The following RSBN1 variants were observed in gnomAD, a reference collection of about 807,000 sequenced individuals.
RSBN1 encodes round spermatid basic protein 1.
A neutral mutation model predicts 74.8 loss-of-function variants in RSBN1; 23 were observed. The observed-to-expected ratio is 0.31, with a 90% confidence interval of 0.22 to 0.44. The LOEUF is 0.44. Among genes scored for constraint, RSBN1 ranks in the 20% least tolerant of loss-of-function variants. The pLI is 1.00. For synonymous variants in RSBN1, 407 were observed against 379.6 expected (o/e 1.07, Z -0.84); for missense variants, 808 against 1,020.9 (o/e 0.79, Z 2.84).
At chr1:113,783,063 A>G (rs1454718895) in intron 2 of RSBN1, among the ~76,000 whole-genome samples, 4 of 152,190 alleles carry the variant, frequency 2.6e-5, no homozygotes, top group Admixed American at 1.3e-4. Context: ...TCTGGTCCTT[A>G]ATAGAAAAAG....
At chr1:113,806,636 GAA>G (rs963958254) in intron 1 of RSBN1, among the ~76,000 whole-genome samples, 1 of 141,900 alleles carries the variant, frequency 7.0e-6, no homozygotes. Flanking sequence ...ATCCATTAAA[GAA>G]AAAAAAAAAC....
intron 1 of RSBN1, 149 bp from the exon 2 acceptor site, chr1:113,798,185 A>G (rs1660511473): frequency 3.1e-6 from 2 of 653,090 alleles, no homozygotes; most frequent in Admixed American, 2.8e-5. Flanking sequence ...AATGAGACAG[A>G]GATCTTAAAT....
At chr1:113,769,272 C>T (rs1557994241) in intron 4 of RSBN1, among the ~76,000 whole-genome samples, 2 of 151,808 alleles carry the variant, frequency 1.3e-5, no homozygotes, top group Non-Finnish European at 2.9e-5. Flanking sequence ...TACAATTAAA[C>T]TTTCTCTGTT....
chr1:113,768,610 G>A (rs528727581), intron 4 of RSBN1, among the ~76,000 whole-genome samples: 1 of 152,186 alleles, frequency 6.6e-6, no homozygotes, highest in African/African-American at 2.4e-5. Context: ...TAATAAAGCT[G>A]AAAATATATC....
intron 4 of RSBN1, among the ~76,000 whole-genome samples, chr1:113,775,150 G>A (rs191988894): frequency 1.5e-3 from 226 of 150,644 alleles, no homozygotes; most frequent in African/African-American, 5.3e-3. Context: ...TCAGCCTCCC[G>A]AGTAGCTGGG....
intron 1 of RSBN1, among the ~76,000 whole-genome samples, chr1:113,800,850 CA>C (rs1002557410): frequency 6.7e-6 from 1 of 148,860 alleles, no homozygotes; most frequent in African/African-American, 2.5e-5. Flanking sequence ...AAAAAAACAA[CA>C]AAAAAAACAA....
At chr1:113,793,404 T>C (rs1008832788) in intron 2 of RSBN1, among the ~76,000 whole-genome samples, 4 of 152,220 alleles carry the variant, frequency 2.6e-5, no homozygotes, top group Non-Finnish European at 5.9e-5. Context: ...ACTGGATCCT[T>C]CATATGGATA....
chr1:113,787,907 GT>G (rs2101808492), intron 2 of RSBN1, among the ~76,000 whole-genome samples: 1 of 152,186 alleles, frequency 6.6e-6, no homozygotes, highest in South Asian at 2.1e-4. Context: ...AACGACTCAT[GT>G]TTCAATATGA....
At chr1:113,798,360 T>C (rs1200934579) in intron 1 of RSBN1, among the ~76,000 whole-genome samples, 3 of 152,296 alleles carry the variant, frequency 2.0e-5, no homozygotes, top group East Asian at 3.9e-4. Context: ...CATTATACGA[T>C]AGCTAAATAT....
At chr1:113,779,396 T>C (rs949276021) in intron 2 of RSBN1, among the ~76,000 whole-genome samples, 1 of 152,130 alleles carries the variant, frequency 6.6e-6, no homozygotes, top group African/African-American at 2.4e-5. Context: ...TGTTCTCAAA[T>C]AGCAGGGGTA....
At chr1:113,803,559 T>C (rs1269082962) in intron 1 of RSBN1, among the ~76,000 whole-genome samples, 2 of 152,194 alleles carry the variant, frequency 1.3e-5, no homozygotes, top group Non-Finnish European at 2.9e-5. Context: ...ATAAAATTAG[T>C]GTGCAGAGTA....
intron 2 of RSBN1, among the ~76,000 whole-genome samples, chr1:113,790,091 GA>G (rs985339368): frequency 8.0e-5 from 12 of 150,244 alleles, no homozygotes; most frequent in African/African-American, 2.7e-4. Flanking sequence ...TTTATTTAGA[GA>G]AAAAAAAAGC....
At chr1:113,767,074 A>G (rs1659795336) in intron 6 of RSBN1, 25 bp downstream of exon 6, 5 of 1,330,098 alleles carry the variant, frequency 3.8e-6, no homozygotes, top group Non-Finnish European at 5.4e-6. Flanking sequence ...AATATCGCAA[A>G]TGGTGATAAA....
chr1:113,772,116 CATA>C (rs1001406605), intron 4 of RSBN1, among the ~76,000 whole-genome samples: 1 of 151,938 alleles, frequency 6.6e-6, no homozygotes. Flanking sequence ...CATAGCTAGC[CATA>C]ATATTTTAGA....
chr1:113,811,266 T>C (rs190354100), intron 1 of RSBN1, among the ~76,000 whole-genome samples: 1 of 152,368 alleles, frequency 6.6e-6, no homozygotes, highest in African/African-American at 2.4e-5. Flanking sequence ...GTAACCTTTA[T>C]ATGAATTCCC....
intron 2 of RSBN1, among the ~76,000 whole-genome samples, chr1:113,785,361 T>C (rs578260248): frequency 7.4e-4 from 112 of 152,328 alleles, no homozygotes; most frequent in African/African-American, 2.5e-3. Context: ...GTTTTACAGT[T>C]AACTTTTTTT....
At chr1:113,797,318 T>C in intron 2 of RSBN1, 45 bp downstream of exon 2, 1 of 1,439,762 alleles carries the variant, frequency 6.9e-7, no homozygotes, top group Non-Finnish European at 9.3e-7. Context: ...GTTAATTCTG[T>C]TTAGAATCGT....
intron 2 of RSBN1, among the ~76,000 whole-genome samples, chr1:113,787,994 G>A (rs1206889294): frequency 6.6e-6 from 1 of 151,896 alleles, no homozygotes; most frequent in African/African-American, 2.4e-5. Flanking sequence ...CAACTTAAGA[G>A]TATAAAAGAA....
In RSBN1 at chr1:113,768,338, G is replaced by T; in HGVS notation, c.1710C>A (p.Pro570=). The T allele has an allele frequency of 6.2e-7, 1 of 1,612,212 alleles. No individual in the cohort carries two copies. The highest frequency in any genetic ancestry group is 1.1e-5 in the South Asian group (1 of 90,898). Residue 570 remains proline, a synonymous_variant, in exon 5 of 7, where the codon CCC becomes CCA. Transcript: ENST00000261441. ...TCCTATCTTCAAAGAGAACTTCGCG[G>T]GGTTCACTGGTCCGAGGTAGGTACT... ...NLQYLPRTSE[P]REVLFEDRTR...
Sources: gnomAD v4.1 joint callset for allele counts (sites outside exome capture counted in the v4.1 genomes callset) on GRCh38, gnomAD v4.1.1 for gene constraint, MANE v1.5 for transcripts, NCBI Gene and HGNC (gene_info 2026-07-23, HGNC 2026-07-21) for gene names.